Variants in PKNOX2 observed in about 807,000 individuals in gnomAD.
PKNOX2 encodes the protein PBX/knotted 1 homeobox 2, also known as homeobox protein PKNOX2.
A neutral mutation model predicts 53.1 loss-of-function variants in PKNOX2; 14 were observed. That is an observed-to-expected ratio of 0.26 (90% CI 0.17 to 0.41). The LOEUF is 0.41. Ranked by LOEUF, PKNOX2 falls within the 10% of genes least tolerant of loss-of-function variation. The pLI is 1.00. For synonymous variants in PKNOX2, 257 were observed against 242.8 expected (o/e 1.06, Z -0.54); for missense variants, 496 against 602.8 (o/e 0.82, Z 1.85).
intron 5 of PKNOX2, among the ~76,000 whole-genome samples, chr11:125,380,160 A>C (rs1953125803): frequency 6.6e-6 from 1 of 152,198 alleles, no homozygotes; most frequent in Non-Finnish European, 1.5e-5. Flanking sequence ...CCCGGCACCC[A>C]GGCGGAGGCG....
chr11:125,250,527 G>T (rs557053989), intron 2 of PKNOX2, among the ~76,000 whole-genome samples: 22 of 152,292 alleles, frequency 1.4e-4, no homozygotes, highest in African/African-American at 5.1e-4. Context: ...TGTTGCGGGA[G>T]CTGTGCCAGA....
intron 2 of PKNOX2, among the ~76,000 whole-genome samples, chr11:125,245,281 T>A (rs886660240): frequency 2.0e-5 from 3 of 152,190 alleles, no homozygotes; most frequent in African/African-American, 7.2e-5. Flanking sequence ...GAGAATAGTT[T>A]CTGCTGTGTG....
chr11:125,173,497 G>T (rs35807852), intron 1 of PKNOX2, among the ~76,000 whole-genome samples: 39,921 of 152,098 alleles, frequency 0.26, 5,437 homozygotes, highest in East Asian at 0.3. Flanking sequence ...GCTCTACCTA[G>T]TCCTCTCCCA....
In PKNOX2 at chr11:125,166,867, T is replaced by A. The variant is rs961487802; in HGVS notation, c.-201+2091T>A. On this transcript the variant is annotated intron_variant, in intron 1 of 12. Transcript: ENST00000298282. This position sits in a 1 kb window ranked among gnomAD's most constrained non-coding sequence, Gnocchi z 4.0. ...AGCTTTTCGGGTTTCAAATGCTCTA[T>A]AACCGGTGGCAGCCAAAAGCTTCGC... Among the ~76,000 whole-genome samples, 8 of 152,172 alleles carry A rather than the reference T, an allele frequency of 5.3e-5. No individual in the cohort carries two copies. Among genetic ancestry groups the A allele is most frequent in the African/African-American group, 1.9e-4 (8 of 41,448 alleles).
chr11:125,374,071 AC>A (rs1952703054), intron 5 of PKNOX2, among the ~76,000 whole-genome samples: 1 of 152,122 alleles, frequency 6.6e-6, no homozygotes, highest in Non-Finnish European at 1.5e-5. Flanking sequence ...GACCCTGGGA[AC>A]TGGAACTTCC....
chr11:125,321,657 A>G (rs950017808), intron 2 of PKNOX2, among the ~76,000 whole-genome samples: 1 of 152,224 alleles, frequency 6.6e-6, no homozygotes, highest in Non-Finnish European at 1.5e-5. Flanking sequence ...GCCATAGACA[A>G]TAGTAAACAA....
At chr11:125,419,615 CATTT>C (rs1956067039) in intron 10 of PKNOX2, among the ~76,000 whole-genome samples, 1 of 151,752 alleles carries the variant, frequency 6.6e-6, no homozygotes, top group Non-Finnish European at 1.5e-5. Context: ...ATTAGAGACC[CATTT>C]TAAACTATCC....
intron 1 of PKNOX2, among the ~76,000 whole-genome samples, chr11:125,178,277 C>T (rs972714759): frequency 6.6e-6 from 1 of 151,564 alleles, no homozygotes; most frequent in Non-Finnish European, 1.5e-5. Context: ...TTTGGGAAGC[C>T]GAGGTAGGCA....
chr11:125,314,095 G>A (rs1948998091), intron 2 of PKNOX2, among the ~76,000 whole-genome samples: 1 of 152,222 alleles, frequency 6.6e-6, no homozygotes, highest in Non-Finnish European at 1.5e-5. Flanking sequence ...CTTCCTTGAG[G>A]ATGCAGGGCT....
chr11:125,381,783 C>A (rs1314407764), intron 5 of PKNOX2, among the ~76,000 whole-genome samples: 2 of 152,226 alleles, frequency 1.3e-5, no homozygotes, highest in Non-Finnish European at 2.9e-5. Flanking sequence ...CATCTTGTTC[C>A]AGAAACATGC....
At chr11:125,274,078 C>T (rs1945997122) in intron 2 of PKNOX2, among the ~76,000 whole-genome samples, 1 of 152,214 alleles carries the variant, frequency 6.6e-6, no homozygotes, top group Non-Finnish European at 1.5e-5. Flanking sequence ...ATATTTATTA[C>T]TTAGTGTGTA....
chr11:125,288,503 C>T (rs969812916), intron 2 of PKNOX2, among the ~76,000 whole-genome samples: 2 of 152,228 alleles, frequency 1.3e-5, no homozygotes, highest in South Asian at 2.1e-4. Flanking sequence ...CAGCTCCCAG[C>T]GACAGCTTGT....
chr11:125,361,578 A>ATTTATTTATCTTTATTTATT (rs1213226800), intron 4 of PKNOX2, among the ~76,000 whole-genome samples: 3 of 152,080 alleles, frequency 2.0e-5, no homozygotes, highest in African/African-American at 7.2e-5. Context: ...TTATCTTATT[A>ATTTATTTATCTTTATTTATT]TACTTTAAGT....
At chr11:125,328,358 T>G (rs58153231) in intron 2 of PKNOX2, among the ~76,000 whole-genome samples, 1 of 131,420 alleles carries the variant, frequency 7.6e-6, no homozygotes, top group African/African-American at 3.3e-5. Context: ...AGAGAGAGAG[T>G]GAGTGAGAGA....
At chr11:125,331,513 G>C (rs913827356) in intron 2 of PKNOX2, 8 of 152,308 alleles carry the variant, frequency 5.3e-5, no homozygotes, top group African/African-American at 1.9e-4. Context: ...ATCACTCACA[G>C]GCACCTGTCC....
At chr11:125,209,306 C>T (rs961948081) in intron 1 of PKNOX2, among the ~76,000 whole-genome samples, 2 of 151,998 alleles carry the variant, frequency 1.3e-5, no homozygotes, top group Non-Finnish European at 1.5e-5. Flanking sequence ...GTTCTTTCCA[C>T]TTCAGTATAA....
intron 2 of PKNOX2, among the ~76,000 whole-genome samples, chr11:125,288,966 C>T (rs189099941): frequency 6.6e-6 from 1 of 151,602 alleles, no homozygotes; most frequent in Admixed American, 6.6e-5. Context: ...GTAAAATTAC[C>T]TTCTTCTTGA....
At chr11:125,230,226 T>C (rs10790729) in intron 1 of PKNOX2, among the ~76,000 whole-genome samples, 25,295 of 152,244 alleles carry the variant, frequency 0.17, 2,730 homozygotes, top group East Asian at 0.26. Flanking sequence ...CAGTGCTGGA[T>C]GCATAAGAGT....
intron 1 of PKNOX2, among the ~76,000 whole-genome samples, chr11:125,229,073 G>A (rs562098690): frequency 2.0e-5 from 3 of 152,338 alleles, no homozygotes; most frequent in African/African-American, 7.2e-5. Flanking sequence ...CCAGGTGAGA[G>A]GGAGAGACAC....
Sources: allele counts gnomAD v4.1 joint callset (sites outside exome capture counted in the v4.1 genomes callset), GRCh38; gene constraint gnomAD v4.1.1; non-coding constraint Gnocchi (gnomAD v3.1); transcripts MANE v1.5; gene names NCBI Gene and HGNC (gene_info 2026-07-23, HGNC 2026-07-21).